OR52K1: variants seen among roughly 807,000 people sequenced by gnomAD.
OR52K1 encodes the protein olfactory receptor family 52 subfamily K member 1.
OR52K1 carries 10 observed loss-of-function variants against 8.7 expected under a neutral mutation model. That is an observed-to-expected ratio of 1.15 (90% CI 0.71 to 1.95). The LOEUF is 1.95. Among genes scored for constraint, OR52K1 ranks in the 30% most tolerant of loss-of-function variants. The probability of loss-of-function intolerance (pLI) is 0.00; values close to 1 mark genes in which losing one functional copy is unlikely to be tolerated. For synonymous variants in OR52K1, 203 were observed against 148.5 expected (o/e 1.37, Z -2.67); for missense variants, 431 against 397.2 (o/e 1.08, Z -0.72).
In OR52K1 at chr11:4,489,522, A is replaced by G. The variant is rs1846353333; in HGVS notation, c.622A>G (p.Ile208Val). Residue 208 changes from isoleucine (I) to valine (V), a missense_variant, in exon 2 of 2, where the codon ATT (isoleucine) becomes GTT (valine). Physicochemically the swap from Ile to Val is conservative, Grantham distance 29. Coordinates refer to ENST00000641528, the MANE Select transcript of OR52K1 (RefSeq NM_001005171.3). ...CTATGGCATTGCTGTGGCCATGTTT[A>G]TTGTGGTGTTGGACCTGCTCTTTGT... ...NIYGIAVAMF[I>V]VVLDLLFVIL... 1 of 1,613,992 alleles carries G rather than the reference A, an allele frequency of 6.2e-7. No individual in the cohort carries two copies. Among genetic ancestry groups the G allele is most frequent in the African/African-American group, 1.3e-5 (1 of 74,892 alleles).
In OR52K1 at chr11:4,482,960, C is replaced by CT. The variant is rs1245166781; in HGVS notation, c.-544dup. ...GTTTGGTACACAAACTCCAGATGCT[C>CT]TCCCCACCACAGAGGATGCCTGCTT... On this transcript the variant is annotated 5_prime_UTR_variant, in exon 1 of 2. It removes the in-frame stop codon of an upstream open reading frame in the 5' UTR. Transcript: ENST00000641528. 1.3e-5 allele frequency: 5 copies of CT among 392,878 alleles called. No individual in the cohort carries two copies. Among genetic ancestry groups the CT allele is most frequent in the Non-Finnish European group, 2.2e-5 (5 of 222,936 alleles). 24.3% of individuals were successfully genotyped at this position (392,878 alleles called of 1,614,324 possible).
Position 4,489,383 on chromosome 11 carries a change from C to T in OR52K1, c.483C>T (p.Leu161=), listed in dbSNP as rs765180018. ...VARAVTLMTP[L]PFLLRRFHYC... ...GGGCTGTGACACTAATGACTCCACT[C>T]CCCTTCCTGCTCAGACGCTTCCACT... The change falls in exon 2 of 2, where the codon CTC becomes CTT. Residue 161 remains leucine (L), a synonymous_variant. Coordinates refer to ENST00000641528, the MANE Select transcript of OR52K1 (RefSeq NM_001005171.3). The T allele has an allele frequency of 3.7e-6, 6 of 1,614,220 alleles. No individual in the cohort carries two copies. In the South Asian group the frequency reaches 5.5e-5, roughly 15 times the overall value.
chr11:4,489,059 T>C lies in OR52K1; in HGVS notation c.159T>C (p.Ala53=), dbSNP rs766920349. 15 of 1,614,054 alleles carry C rather than the reference T, an allele frequency of 9.3e-6. No homozygotes were observed. The highest frequency in any genetic ancestry group is 1.3e-5 in the African/African-American group (1 of 74,936). The part of the protein sequence containing the change: ...GNCTLLFIIQ[A]DAALHEPMYL... Reference sequence around the variant, plus strand: ...GTACCCTTCTCTTCATTATCCAGGCTGATGCAGCCCTCCATGAACCCATGT... The same window carrying C: ...GTACCCTTCTCTTCATTATCCAGGCCGATGCAGCCCTCCATGAACCCATGT... Residue 53 remains alanine, a synonymous_variant, in exon 2 of 2, where the codon GCT becomes GCC. Coordinates refer to ENST00000641528, the MANE Select transcript of OR52K1 (RefSeq NM_001005171.3).
rs116034104 is a variant in OR52K1, at chr11:4,490,025, A to G, written c.*180A>G. Reference sequence around the variant, plus strand: ...GTCAGGTCAAACCAGGAGTGCACCTATAGTCTGGTCTGATAGTAGAGGTTT... The same window carrying G: ...GTCAGGTCAAACCAGGAGTGCACCTGTAGTCTGGTCTGATAGTAGAGGTTT... On this transcript the variant is annotated 3_prime_UTR_variant, in exon 2 of 2. Coordinates refer to ENST00000641528, the MANE Select transcript of OR52K1 (RefSeq NM_001005171.3). The G allele has an allele frequency of 1.0e-3, 617 of 601,422 alleles. 6 individuals carry two copies. In the African/African-American group the frequency reaches 0.011, roughly 10 times the overall value. 37.3% of individuals were successfully genotyped at this position (601,422 alleles called of 1,614,324 possible).
rs1264496133 is a variant in OR52K1 at position 4,492,653 on chromosome 11, T to G, written c.*2808T>G. 1.3e-5 allele frequency: 2 copies of G among 152,362 alleles called. No homozygotes were observed. The highest frequency in any genetic ancestry group is 6.5e-5 in the Admixed American group (1 of 15,308). 9.4% of individuals were successfully genotyped at this position (152,362 alleles called of 1,614,324 possible). A position where few individuals can be genotyped will look rare whatever the true frequency, so the allele number is the denominator to read the frequency against. ...AAATTATTTCACTTATCTCTGCTTT[T>G]GTCTTTCAAACTCTCATAATGAACA... On this transcript the variant is annotated 3_prime_UTR_variant, in exon 2 of 2. Coordinates refer to ENST00000641528, the MANE Select transcript of OR52K1 (RefSeq NM_001005171.3).
chr11:4,485,456 C>G (rs1182515655), intron 1 of OR52K1, among the ~76,000 whole-genome samples: 4 of 152,168 alleles, frequency 2.6e-5, no homozygotes, highest in African/African-American at 9.7e-5. Flanking sequence ...TCCTTTCATG[C>G]TTTCCCCGTC....
chr11:4,487,391 C>A (rs1846329350), intron 1 of OR52K1, among the ~76,000 whole-genome samples: 1 of 152,118 alleles, frequency 6.6e-6, no homozygotes, highest in African/African-American at 2.4e-5. Context: ...CACTGAACTA[C>A]CTTTAACAGA....
rs1004920678 is a variant in OR52K1, at chr11:4,491,487, A to C, written c.*1642A>C. ...CCATAAAGATAACATGTATGTGTAC[A>C]TTCACTGCAGCACTATTCACAATAG... On this transcript the variant is annotated 3_prime_UTR_variant, in exon 2 of 2. Coordinates refer to ENST00000641528, the MANE Select transcript of OR52K1 (RefSeq NM_001005171.3). 1 of 152,188 alleles carries C rather than the reference A, an allele frequency of 6.6e-6. No individual in the cohort carries two copies. The highest frequency in any genetic ancestry group is 2.1e-4 in the South Asian group (1 of 4,834). 9.4% of individuals were successfully genotyped at this position (152,188 alleles called of 1,614,324 possible).
At position 4,483,932 on chromosome 11, in the gene OR52K1, T is replaced by G. The variant is rs1048976687; in HGVS notation, c.-329+756T>G. On this transcript the variant is annotated intron_variant, in intron 1 of 1. Transcript: ENST00000641528. The stretch of plus-strand genomic sequence containing the variant: ...AACATTATGAATATTTAAAATAGTA[T>G]TTTCCATTAAGAAGAGAATTTTATT... Among the ~76,000 whole-genome samples the G allele has an allele frequency of 1.3e-4, 20 of 152,260 alleles. 1 individual carries two copies. The highest frequency in any genetic ancestry group is 4.8e-4 in the African/African-American group (20 of 41,506).
intron 1 of OR52K1, among the ~76,000 whole-genome samples, chr11:4,483,905 C>T (rs1464573159): frequency 3.3e-5 from 5 of 152,128 alleles, no homozygotes. Context: ...CAAAAATGCA[C>T]AAACATTATG....
intron 1 of OR52K1, among the ~76,000 whole-genome samples, chr11:4,484,141 T>C (rs997436727): frequency 2.0e-5 from 3 of 152,234 alleles, no homozygotes; most frequent in South Asian, 2.1e-4. Flanking sequence ...CACCTATGTA[T>C]GTTAGAGGCT....
chr11:4,487,378 T>C (rs1375203342), intron 1 of OR52K1, among the ~76,000 whole-genome samples: 1 of 152,174 alleles, frequency 6.6e-6, no homozygotes, highest in Non-Finnish European at 1.5e-5. Flanking sequence ...TAAAGGGAAA[T>C]AGCACTGAAC....
At chr11:4,483,665 G>A (rs1479868258) in intron 1 of OR52K1, among the ~76,000 whole-genome samples, 1 of 152,124 alleles carries the variant, frequency 6.6e-6, no homozygotes, top group Non-Finnish European at 1.5e-5. Context: ...CTCACAGGGT[G>A]GTTAGTGATG....
chr11:4,483,129 G>T lies in OR52K1; in HGVS notation c.-376G>T. 2.5e-6 allele frequency: 1 copy of T among 398,586 alleles called. No individual in the cohort carries two copies. Among genetic ancestry groups the T allele is most frequent in the Non-Finnish European group, 4.4e-6 (1 of 226,042 alleles). The allele number at this position is 398,586 out of a possible 1,614,324, so 24.7% of individuals were successfully genotyped here. A position where few individuals can be genotyped will look rare whatever the true frequency, so the allele number is the denominator to read the frequency against. ...TCCCAGTTAAAGGGCTTCTGCATTA[G>T]TCAAGAGGAAGAAAACGAGGCCTGA... On this transcript the variant is annotated 5_prime_UTR_variant, in exon 1 of 2. Transcript: ENST00000641528.
intron 1 of OR52K1, among the ~76,000 whole-genome samples, chr11:4,485,382 C>G (rs1315246061): frequency 6.6e-6 from 1 of 152,048 alleles, no homozygotes; most frequent in Non-Finnish European, 1.5e-5. Context: ...TACGTATTAC[C>G]ATATTCACTT....
Position 4,482,754 on chromosome 11 carries a change from T to C in OR52K1, c.-751T>C, listed in dbSNP as rs927440710. 5 of 173,664 alleles carry C rather than the reference T, an allele frequency of 2.9e-5. No homozygotes were observed. Among genetic ancestry groups the C allele is most frequent in the African/African-American group, 1.2e-4 (5 of 42,356 alleles). 10.8% of individuals were successfully genotyped at this position (173,664 alleles called of 1,614,324 possible). A position where few individuals can be genotyped will look rare whatever the true frequency, so the allele number is the denominator to read the frequency against. ...TGGATACAGCTGCAACTTAGGGAAA[T>C]AGAAAACAAGTGATGTTATTGGGGT... On this transcript the variant is annotated 5_prime_UTR_variant, in exon 1 of 2. Transcript: ENST00000641528.
rs1198858683 is a variant in OR52K1, at chr11:4,491,102, G to A, written c.*1257G>A. The A allele has an allele frequency of 2.0e-5, 3 of 152,174 alleles. No individual in the cohort carries two copies. The highest frequency in any genetic ancestry group is 4.1e-4 in the South Asian group (2 of 4,836). The allele number at this position is 152,174 out of a possible 1,614,324, so 9.4% of individuals were successfully genotyped here. ...AAGCAATGCATGACTAGTTAGACAT[G>A]ATTGTAGTTGTGATAGACTGTATTA... On this transcript the variant is annotated 3_prime_UTR_variant, in exon 2 of 2. Coordinates refer to ENST00000641528, the MANE Select transcript of OR52K1 (RefSeq NM_001005171.3).
rs1306172575 is a variant in OR52K1, at chr11:4,490,179, A to C, written c.*334A>C. On this transcript the variant is annotated 3_prime_UTR_variant, in exon 2 of 2. Transcript: ENST00000641528. Reference sequence around the variant, plus strand: ...ATTGGCCCAAACAGCTGAGTCACCCAAACAGGTGACTTCTTTATCCAGGTA... The same window carrying C: ...ATTGGCCCAAACAGCTGAGTCACCCCAACAGGTGACTTCTTTATCCAGGTA... The C allele has an allele frequency of 1.2e-5, 3 of 240,802 alleles. No homozygotes were observed. Among genetic ancestry groups the C allele is most frequent in the Middle Eastern group, 1.4e-3 (1 of 740 alleles). The allele number at this position is 240,802 out of a possible 1,614,324, so 14.9% of individuals were successfully genotyped here. A position where few individuals can be genotyped will look rare whatever the true frequency, so the allele number is the denominator to read the frequency against.
chr11:4,489,241 C>G lies in OR52K1; in HGVS notation c.341C>G (p.Ser114Ter), dbSNP rs1036628983. ...CTTCACTCCTTCTCCATCATGGAGT[C>G]AGCAGTGCTGCTGGCCATGGCCTTT... ...FFLHSFSIME[S>*]AVLLAMAFDR... Residue 114 changes from serine (S) to a stop codon, truncating the protein, a stop_gained, in exon 2 of 2, where the codon TCA becomes TGA. Transcript: ENST00000641528. LOFTEE classifies it high-confidence loss of function. 6.2e-7 allele frequency: 1 copy of G among 1,614,116 alleles called. No individual in the cohort carries two copies. The highest frequency in any genetic ancestry group is 1.3e-5 in the African/African-American group (1 of 74,936).
Sources: allele counts gnomAD v4.1 joint callset (sites outside exome capture counted in the v4.1 genomes callset), GRCh38; gene constraint gnomAD v4.1.1; transcripts MANE v1.5; gene names NCBI Gene and HGNC (gene_info 2026-07-23, HGNC 2026-07-21).